Variants in CDC14A observed in about 807,000 individuals in gnomAD.
CDC14A encodes cell division cycle 14A.
In CDC14A, 53 loss-of-function variants were observed where a neutral mutation model predicts 74.4. The observed-to-expected ratio is 0.71, with a 90% CI of 0.57 to 0.89. CDC14A has a LOEUF of 0.89. CDC14A is among the 40% of genes least tolerant of loss of function. CDC14A has a pLI of 0.00. For synonymous variants in CDC14A, 247 were observed against 258.4 expected, an observed-to-expected ratio of 0.96 and a Z score of 0.43; for missense variants, 646 against 713.7, an observed-to-expected ratio of 0.91 and a Z score of 1.08.
At chr1:100,377,514 A>T in intron 2 of CDC14A, 32 bp from the exon 3 acceptor site, 1 of 1,468,168 alleles carries the variant, frequency 6.8e-7, no homozygotes, top group Non-Finnish European at 9.5e-7. Context: ...CTTTGACTAA[A>T]TACTACGTTT....
At chr1:100,424,008 C>T (rs1288416011) in intron 4 of CDC14A, 1 of 495,432 alleles carries the variant, frequency 2.0e-6, no homozygotes, top group Non-Finnish European at 3.7e-6. Flanking sequence ...CATGGATCTG[C>T]CCTCTGTCTC....
intron 5 of CDC14A, among the ~76,000 whole-genome samples, chr1:100,433,232 T>C (rs369870288): frequency 5.3e-5 from 8 of 152,306 alleles, no homozygotes; most frequent in African/African-American, 1.9e-4. Context: ...CAGGCATAAG[T>C]TGAATGAACT....
At chr1:100,380,489 CCATT>C (rs1655954349) in intron 3 of CDC14A, among the ~76,000 whole-genome samples, 1 of 152,208 alleles carries the variant, frequency 6.6e-6, no homozygotes, top group Non-Finnish European at 1.5e-5. Context: ...AGTGTTAGGG[CCATT>C]CTGTCTGCTT....
chr1:100,455,632 T>C (rs528112976), intron 8 of CDC14A, 140 bp downstream of exon 8: 2 of 611,164 alleles, frequency 3.3e-6, no homozygotes, highest in East Asian at 5.8e-5. Context: ...TGAACAGTAG[T>C]AATAGTGTGT....
At chr1:100,423,921 T>G in intron 4 of CDC14A, 1 of 286,580 alleles carries the variant, frequency 3.5e-6, no homozygotes, top group Non-Finnish European at 6.9e-6. Flanking sequence ...GAGCACACGG[T>G]ATATTATGAG....
intron 4 of CDC14A, among the ~76,000 whole-genome samples, chr1:100,407,000 C>T (rs1207333496): frequency 1.3e-5 from 2 of 150,910 alleles, no homozygotes; most frequent in African/African-American, 4.9e-5. Context: ...GTTGAAGATC[C>T]TATGTTTGTA....
At chr1:100,421,202 G>T (rs890672347) in intron 4 of CDC14A, among the ~76,000 whole-genome samples, 3 of 152,134 alleles carry the variant, frequency 2.0e-5, no homozygotes, top group African/African-American at 7.2e-5. Context: ...TACCTAGCGA[G>T]AAAAGTAGAC....
chr1:100,438,921 A>T (rs1002524823), intron 5 of CDC14A, among the ~76,000 whole-genome samples: 3 of 152,166 alleles, frequency 2.0e-5, no homozygotes, highest in Non-Finnish European at 4.4e-5. Context: ...CTTTGTCTAG[A>T]TAGGTGTCTG....
chr1:100,424,806 A>T (rs796852686), intron 5 of CDC14A, among the ~76,000 whole-genome samples: 19 of 152,302 alleles, frequency 1.2e-4, no homozygotes, highest in African/African-American at 4.6e-4. Flanking sequence ...TTCTCTCATT[A>T]CTGTGTTTTC....
chr1:100,364,749 A>C (rs1653334945), intron 2 of CDC14A, among the ~76,000 whole-genome samples: 1 of 152,232 alleles, frequency 6.6e-6, no homozygotes, highest in African/African-American at 2.4e-5. Context: ...TAATTTTCCC[A>C]GTGCATTCCT....
intron 9 of CDC14A, 109 bp downstream of exon 9, chr1:100,462,990 G>T (rs1242729299): frequency 1.3e-6 from 1 of 768,590 alleles, no homozygotes; most frequent in Non-Finnish European, 2.1e-6. Context: ...AAACAATGAG[G>T]TTTTAAATTT....
intron 5 of CDC14A, among the ~76,000 whole-genome samples, chr1:100,427,096 T>C (rs1663050160): frequency 6.6e-6 from 1 of 152,178 alleles, no homozygotes; most frequent in Non-Finnish European, 1.5e-5. Flanking sequence ...ATCATTGCGT[T>C]GGCCTTCATT....
intron 3 of CDC14A, among the ~76,000 whole-genome samples, chr1:100,389,959 G>A (rs1046061701): frequency 1.3e-5 from 2 of 151,992 alleles, no homozygotes; most frequent in African/African-American, 2.4e-5. Context: ...ATACTTATTC[G>A]AGTTTTGATT....
At chr1:100,358,841 G>C (rs560275031) in intron 2 of CDC14A, among the ~76,000 whole-genome samples, 1 of 152,302 alleles carries the variant, frequency 6.6e-6, no homozygotes, top group South Asian at 2.1e-4. Flanking sequence ...GAGAAGCATG[G>C]AAAAACTACT....
Position 100,357,745 on chromosome 1 carries a change from TA to T in CDC14A, c.140+3909del, listed in dbSNP as rs71310165. ...AGCAACATAGTGAGACCCCATCTCT[TA>T]AAAAAAAAAAAAAAAGAAAGAAATG... On this transcript the variant is annotated intron_variant, in intron 2 of 15. Transcript: ENST00000336454. 6.9e-3 allele frequency among the ~76,000 whole-genome samples: 963 copies of T among 139,450 alleles called. 6 individuals are homozygous for T. Among genetic ancestry groups the T allele is most frequent in the African/African-American group, 0.02 (738 of 37,542 alleles). The allele number at this position is 139,450 out of a possible 152,430, so 91.5% of individuals were successfully genotyped here. A position where few individuals can be genotyped will look rare whatever the true frequency, so the allele number is the denominator to read the frequency against.
intron 15 of CDC14A, among the ~76,000 whole-genome samples, chr1:100,516,948 C>CA: frequency 1.3e-5 from 2 of 152,306 alleles, no homozygotes; most frequent in South Asian, 4.1e-4. Flanking sequence ...CCTTGAGAAC[C>CA]ACCCATTTCC....
At chr1:100,469,277 C>A (rs1228991766) in intron 10 of CDC14A, among the ~76,000 whole-genome samples, 2 of 152,062 alleles carry the variant, frequency 1.3e-5, no homozygotes, top group Admixed American at 1.3e-4. Context: ...AGTTGCCAGT[C>A]CTAGAGGTAA....
chr1:100,458,135 G>T (rs1188871549), intron 8 of CDC14A, among the ~76,000 whole-genome samples: 1 of 152,120 alleles, frequency 6.6e-6, no homozygotes, highest in African/African-American at 2.4e-5. Context: ...CAACCCTCTG[G>T]AGCAGGTGGT....
chr1:100,497,344 T>C (rs1210592451), intron 13 of CDC14A, among the ~76,000 whole-genome samples: 1 of 152,214 alleles, frequency 6.6e-6, no homozygotes, highest in African/African-American at 2.4e-5. Flanking sequence ...TTCAGGGAAC[T>C]CAAGGCATTC....
Sources: gnomAD v4.1 joint callset for allele counts (sites outside exome capture counted in the v4.1 genomes callset) on GRCh38, gnomAD v4.1.1 for gene constraint, MANE v1.5 for transcripts, NCBI Gene and HGNC (gene_info 2026-07-23, HGNC 2026-07-21) for gene names.